VPS53: variants seen among roughly 807,000 people sequenced by gnomAD.
VPS53 encodes vacuolar protein sorting-associated protein 53 homolog.
A neutral mutation model predicts 107.0 loss-of-function variants in VPS53; 70 were observed. The ratio of observed to expected loss-of-function variants is 0.65; its 90% CI spans 0.54 to 0.80. The LOEUF (loss-of-function observed/expected upper bound fraction) is 0.80, where lower values mean the gene tolerates loss of function less well. Ranked by LOEUF, VPS53 falls within the 30% of genes least tolerant of loss-of-function variation. The pLI is 0.00. For missense variants in VPS53, 917 were observed against 1,049.4 expected (o/e 0.87, Z 1.74); for synonymous variants, 409 against 393.3 (o/e 1.04, Z -0.47).
At chr17:644,587 A>T (rs568085108) in intron 7 of VPS53, among the ~76,000 whole-genome samples, 44 of 131,184 alleles carry the variant, frequency 3.4e-4, no homozygotes, top group South Asian at 1.9e-3. Context: ...TTTTAGTGTT[A>T]TTTTTTTTTT....
intron 12 of VPS53, among the ~76,000 whole-genome samples, chr17:594,574 T>C (rs1967857570): frequency 1.3e-5 from 2 of 148,788 alleles, no homozygotes; most frequent in Non-Finnish European, 3.0e-5. Context: ...TCTGGATCAA[T>C]TTCCTCGTTT....
At chr17:619,247 T>G (rs74493655) in intron 11 of VPS53, among the ~76,000 whole-genome samples, 1 of 146,212 alleles carries the variant, frequency 6.8e-6, no homozygotes, top group Non-Finnish European at 1.5e-5. Flanking sequence ...TAATATTTCC[T>G]GGGTAGCTAG....
intron 4 of VPS53, among the ~76,000 whole-genome samples, chr17:677,868 C>G (rs1411553880): frequency 6.6e-6 from 1 of 151,948 alleles, no homozygotes; most frequent in African/African-American, 2.4e-5. Flanking sequence ...ACCTGTAATC[C>G]CAACATTTAA....
At chr17:568,885 G>A (rs1913792841) in intron 13 of VPS53, among the ~76,000 whole-genome samples, 1 of 152,118 alleles carries the variant, frequency 6.6e-6, no homozygotes, top group Non-Finnish European at 1.5e-5. Context: ...CAGCTATAGA[G>A]GCATATATGT....
At chr17:706,746 A>G (rs983278361) in intron 2 of VPS53, among the ~76,000 whole-genome samples, 1 of 151,884 alleles carries the variant, frequency 6.6e-6, no homozygotes, top group Non-Finnish European at 1.5e-5. Context: ...TGAATTTTGG[A>G]TTCTCCATGA....
chr17:595,976 G>T (rs149604061), intron 12 of VPS53, among the ~76,000 whole-genome samples: 1 of 145,874 alleles, frequency 6.9e-6, no homozygotes, highest in East Asian at 2.0e-4. Flanking sequence ...CCCCCTGGAG[G>T]AAGCTGGGAG....
intron 2 of VPS53, among the ~76,000 whole-genome samples, chr17:708,373 G>A (rs1195768142): frequency 6.6e-6 from 1 of 152,228 alleles, no homozygotes; most frequent in East Asian, 1.9e-4. Context: ...GCAGACGTCA[G>A]CATTTTTTCT....
At chr17:665,915 A>T (rs1971663027) in intron 4 of VPS53, among the ~76,000 whole-genome samples, 3 of 152,140 alleles carry the variant, frequency 2.0e-5, no homozygotes, top group Admixed American at 2.0e-4. Flanking sequence ...GAGGCAGGAG[A>T]ATCACTTAAA....
chr17:542,910 G>A (rs1025340004), intron 17 of VPS53, among the ~76,000 whole-genome samples: 2 of 151,662 alleles, frequency 1.3e-5, no homozygotes, highest in Non-Finnish European at 2.9e-5. Flanking sequence ...CCTGGGAGGC[G>A]GAGGTTGCCA....
intron 14 of VPS53, among the ~76,000 whole-genome samples, chr17:561,350 G>GC (rs1912954830): frequency 6.6e-6 from 1 of 152,122 alleles, no homozygotes; most frequent in South Asian, 2.1e-4. Flanking sequence ...CTTTCACCTT[G>GC]CCCCCACTTC....
intron 17 of VPS53, among the ~76,000 whole-genome samples, chr17:540,122 G>C (rs902495663): frequency 7.4e-6 from 1 of 134,470 alleles, no homozygotes; most frequent in African/African-American, 2.9e-5. Context: ...CTAGGCCTTC[G>C]TTAAAGGTAA....
At chr17:688,239 T>G (rs978685943) in intron 4 of VPS53, among the ~76,000 whole-genome samples, 1 of 152,118 alleles carries the variant, frequency 6.6e-6, no homozygotes, top group African/African-American at 2.4e-5. Context: ...TCCCATTCTA[T>G]TCACGTGATA....
At chr17:669,380 A>C (rs2143682564) in intron 4 of VPS53, among the ~76,000 whole-genome samples, 1 of 152,222 alleles carries the variant, frequency 6.6e-6, no homozygotes, top group East Asian at 1.9e-4. Flanking sequence ...ACTTGAGGCC[A>C]GGAGTTCAAG....
chr17:661,779 CA>C (rs752367991), intron 5 of VPS53, 29 bp downstream of exon 5: 32 of 1,543,752 alleles, frequency 2.1e-5, no homozygotes, highest in Non-Finnish European at 2.6e-5. Flanking sequence ...TCTTTTGGTG[CA>C]AAAAGGTTAG....
At chr17:574,370 T>C (rs1437693481) in intron 13 of VPS53, among the ~76,000 whole-genome samples, 1 of 152,138 alleles carries the variant, frequency 6.6e-6, no homozygotes, top group East Asian at 1.9e-4. Flanking sequence ...CAAGGCCATG[T>C]GAAAAGAGTG....
chr17:652,761 G>A (rs570022607), intron 7 of VPS53, among the ~76,000 whole-genome samples: 4 of 152,224 alleles, frequency 2.6e-5, no homozygotes, highest in Non-Finnish European at 4.4e-5. Flanking sequence ...GTGCTGGTTT[G>A]TTACAAAGAA....
chr17:658,786 C>T (rs1331319258), intron 5 of VPS53, among the ~76,000 whole-genome samples: 3 of 149,722 alleles, frequency 2.0e-5, no homozygotes, highest in African/African-American at 2.5e-5. Context: ...GTGAGAAACT[C>T]GGCCGTGAGT....
chr17:665,386 C>G (rs948619164), intron 4 of VPS53, among the ~76,000 whole-genome samples: 8 of 152,308 alleles, frequency 5.3e-5, no homozygotes, highest in Non-Finnish European at 1.0e-4. Context: ...CTTGGACTTC[C>G]CAGCCTCCAG....
Position 643,208 on chromosome 17 carries a change from C to G in VPS53, c.608+10083G>C, listed in dbSNP as rs1387760057. 2.5e-3 allele frequency among the ~76,000 whole-genome samples: 50 copies of G among 20,306 alleles called. 3 individuals are homozygous for G. Among genetic ancestry groups the G allele is most frequent in the South Asian group, 3.5e-3 (2 of 566 alleles). 13.3% of individuals were successfully genotyped at this position (20,306 alleles called of 152,430 possible). A position where few individuals can be genotyped will look rare whatever the true frequency, so the allele number is the denominator to read the frequency against. On this transcript the variant is annotated intron_variant, in intron 7 of 21. Coordinates refer to ENST00000437048, the MANE Select transcript of VPS53 (RefSeq NM_001128159.3). Reference sequence around the variant, plus strand: ...CGAGGACAACACTCATACTTGGCAACTGAGGACAACACTCATACTTGGAAA... The same window carrying G: ...CGAGGACAACACTCATACTTGGCAAGTGAGGACAACACTCATACTTGGAAA...
Sources: allele counts gnomAD v4.1 joint callset (sites outside exome capture counted in the v4.1 genomes callset), GRCh38; gene constraint gnomAD v4.1.1; transcripts MANE v1.5; gene names NCBI Gene and HGNC (gene_info 2026-07-23, HGNC 2026-07-21).